Variants in CALN1 observed in about 807,000 individuals in gnomAD.
CALN1 encodes the protein calcium-binding protein 8.
CALN1 carries 17 observed loss-of-function variants against 30.6 expected under a neutral mutation model. The ratio of observed to expected loss-of-function variants is 0.56; its 90% CI spans 0.38 to 0.83. The LOEUF (loss-of-function observed/expected upper bound fraction) is 0.83. Among genes scored for constraint, CALN1 ranks in the 40% least tolerant of loss-of-function variants. The pLI is 0.00. For missense variants in CALN1, 291 were observed against 354.9 expected (o/e 0.82, Z 1.45); for synonymous variants, 156 against 131.4 (o/e 1.19, Z -1.28).
intron 3 of CALN1, among the ~76,000 whole-genome samples, chr7:72,234,711 G>C (rs1433081225): frequency 1.3e-5 from 2 of 152,088 alleles, no homozygotes; most frequent in African/African-American, 4.8e-5. Context: ...CTCCTAAAGT[G>C]GTGGGACTAC....
chr7:71,847,716 AAAG>A lies in CALN1; in HGVS notation c.502-37227_502-37225del, dbSNP rs373979525. Among the ~76,000 whole-genome samples, 452 of 97,510 alleles carry A rather than the reference AAAG, an allele frequency of 4.6e-3. 5 individuals are homozygous for A. The East Asian group carries it at 0.065, about 14-fold the overall frequency. 64.0% of individuals were successfully genotyped at this position (97,510 alleles called of 152,430 possible). ...GGAGGAAGAAGAAAGAAGAAAGAAG[AAAG>A]AAGAAGAAAGAAGAAAGAAGAAAGA... On this transcript the variant is annotated intron_variant, in intron 5 of 6. Coordinates refer to ENST00000395275, the MANE Select transcript of CALN1 (RefSeq NM_031468.4).
At chr7:72,396,991 G>A (rs1806008098) in intron 2 of CALN1, among the ~76,000 whole-genome samples, 1 of 151,926 alleles carries the variant, frequency 6.6e-6, no homozygotes, top group Admixed American at 6.6e-5. Flanking sequence ...ATTCACTGCA[G>A]CCTCCAAATC....
intron 2 of CALN1, among the ~76,000 whole-genome samples, chr7:72,334,028 G>A (rs941651539): frequency 6.6e-6 from 1 of 152,198 alleles, no homozygotes; most frequent in Non-Finnish European, 1.5e-5. Context: ...GCCTCAAACC[G>A]TAACTCTGCT....
At position 72,227,516 on chromosome 7, in the gene CALN1, G is replaced by T. The variant is rs545278874; in HGVS notation, c.244+51170C>A. On this transcript the variant is annotated intron_variant, in intron 3 of 6. Coordinates refer to ENST00000395275, the MANE Select transcript of CALN1 (RefSeq NM_031468.4). The stretch of plus-strand genomic sequence containing the variant: ...GATGGCACCACCGCACTCCAGCCTG[G>T]GTGACAGAGAAAGACTCCGTCTCAA... Among the ~76,000 whole-genome samples, 30 of 149,914 alleles carry T rather than the reference G, an allele frequency of 2.0e-4. No individual in the cohort carries two copies. In the South Asian group the frequency reaches 6.2e-3, roughly 31 times the overall value.
chr7:71,971,235 C>T (rs999096225), intron 5 of CALN1, among the ~76,000 whole-genome samples: 9 of 151,960 alleles, frequency 5.9e-5, no homozygotes, highest in African/African-American at 4.8e-5. Context: ...AATCACCTGA[C>T]GTCAGGAGTT....
At chr7:72,145,193 GA>G (rs1374109257) in intron 3 of CALN1, among the ~76,000 whole-genome samples, 1 of 152,018 alleles carries the variant, frequency 6.6e-6, no homozygotes, top group Non-Finnish European at 1.5e-5. Flanking sequence ...CTGGTTTTTT[GA>G]AAAGATCAAC....
intron 3 of CALN1, among the ~76,000 whole-genome samples, chr7:72,187,036 C>T (rs977000602): frequency 6.6e-6 from 1 of 151,794 alleles, no homozygotes; most frequent in African/African-American, 2.4e-5. Flanking sequence ...AAAGTGGAAC[C>T]AATTTGACAA....
At chr7:72,302,788 G>C (rs937919291) in intron 2 of CALN1, among the ~76,000 whole-genome samples, 4 of 148,022 alleles carry the variant, frequency 2.7e-5, no homozygotes, top group African/African-American at 9.9e-5. Context: ...CCAGCTACTA[G>C]GGAGACTGAG....
chr7:72,146,797 C>T (rs930584912), intron 3 of CALN1, among the ~76,000 whole-genome samples: 1 of 152,090 alleles, frequency 6.6e-6, no homozygotes, highest in African/African-American at 2.4e-5. Context: ...CAGAACAGAG[C>T]CCTCAGAAAT....
chr7:71,888,929 T>G (rs1472814554), intron 5 of CALN1, among the ~76,000 whole-genome samples: 1 of 152,208 alleles, frequency 6.6e-6, no homozygotes, highest in African/African-American at 2.4e-5. Flanking sequence ...TGTTCCCTTT[T>G]GTTCACAATG....
At chr7:71,915,436 T>A (rs1283232981) in intron 5 of CALN1, among the ~76,000 whole-genome samples, 1 of 152,194 alleles carries the variant, frequency 6.6e-6, no homozygotes, top group Admixed American at 6.5e-5. Flanking sequence ...CAACTATGTA[T>A]TAAAATACCA....
chr7:72,098,150 A>T (rs978056058), intron 4 of CALN1, among the ~76,000 whole-genome samples: 5 of 152,166 alleles, frequency 3.3e-5, no homozygotes. Context: ...GGTGGAAAAG[A>T]GCTGCAGGCT....
chr7:71,821,110 TACAGGTTAATGAC>T (rs1428605471), intron 5 of CALN1, among the ~76,000 whole-genome samples: 2 of 152,086 alleles, frequency 1.3e-5, no homozygotes, highest in African/African-American at 2.4e-5. Context: ...AATGTATAGA[TACAGGTTAATGAC>T]ACAGATTTAG....
chr7:71,810,242 C>T, intron 6 of CALN1, 94 bp downstream of exon 6: 4 of 1,390,370 alleles, frequency 2.9e-6, no homozygotes, highest in Non-Finnish European at 3.9e-6. Flanking sequence ...GAACATCAGC[C>T]CAAGAGCCTG....
chr7:72,111,188 T>C (rs1017512944), intron 3 of CALN1, among the ~76,000 whole-genome samples: 7 of 152,310 alleles, frequency 4.6e-5, no homozygotes, highest in Admixed American at 1.3e-4. Flanking sequence ...AAGATGTCTT[T>C]GTGGGCCACA....
chr7:72,483,605 C>T, the CALN1 span, among the ~76,000 whole-genome samples: 1 of 152,090 alleles, frequency 6.6e-6, no homozygotes, highest in African/African-American at 2.4e-5. Context: ...GTTTCTTGTG[C>T]CTTGAGTTTA....
At chr7:71,893,889 G>T (rs929340027) in intron 5 of CALN1, among the ~76,000 whole-genome samples, 5 of 152,052 alleles carry the variant, frequency 3.3e-5, no homozygotes, top group Non-Finnish European at 7.4e-5. Flanking sequence ...TTGGTCCAAA[G>T]ATCATCTCTT....
intron 5 of CALN1, among the ~76,000 whole-genome samples, chr7:71,982,338 T>TA (rs1224506970): frequency 1.3e-5 from 2 of 152,256 alleles, no homozygotes; most frequent in African/African-American, 2.4e-5. Flanking sequence ...CTTACGCCTG[T>TA]AATCCCAGCA....
intron 5 of CALN1, among the ~76,000 whole-genome samples, chr7:71,882,701 A>T (rs1195818444): frequency 2.6e-5 from 4 of 152,040 alleles, no homozygotes; most frequent in Admixed American, 6.6e-5. Context: ...CAACTTTTTA[A>T]GAGATGGGGT....
Sources: gnomAD v4.1 joint callset for allele counts (sites outside exome capture counted in the v4.1 genomes callset) on GRCh38, gnomAD v4.1.1 for gene constraint, MANE v1.5 for transcripts, NCBI Gene and HGNC (gene_info 2026-07-23, HGNC 2026-07-21) for gene names.